The following PCED1B variants were observed in gnomAD, a reference collection of about 807,000 sequenced individuals.
The protein encoded by PCED1B is PC-esterase domain containing 1B.
For missense variants in PCED1B, 573 were observed against 573.9 expected (o/e 1.00, Z 0.02); for synonymous variants, 251 against 246.1 (o/e 1.02, Z -0.19).
At chr12:47,093,229 A>C (rs1938340027) in intron 1 of PCED1B, among the ~76,000 whole-genome samples, 1 of 151,884 alleles carries the variant, frequency 6.6e-6, no homozygotes, top group African/African-American at 2.4e-5. Context: ...ATTTTCAAAG[A>C]GTTTGTTTAT....
chr12:47,183,844 G>A (rs957760031), intron 2 of PCED1B, among the ~76,000 whole-genome samples: 8 of 152,132 alleles, frequency 5.3e-5, no homozygotes, highest in African/African-American at 1.7e-4. Context: ...TCAGTGTTCT[G>A]ATAACTACAG....
rs754473510 is a variant in PCED1B, at chr12:47,235,677, G to A, written c.614G>A (p.Arg205His). 16 of 1,613,094 alleles carry A rather than the reference G, an allele frequency of 9.9e-6. No homozygotes were observed. The Admixed American group carries it at 2.7e-4, about 27-fold the overall frequency. ...KANFHSATEA[R>H]KHNFDVLDLH... is the part of the protein sequence containing the mutation. The stretch of plus-strand genomic sequence containing the variant: ...AACTTCCACAGCGCCACCGAGGCAC[G>A]TAAACATAACTTCGATGTACTGGAC... The change falls in exon 4 of 4, where the codon CGT (arginine) becomes CAT (histidine). Residue 205 changes from arginine (R) to histidine (H), a missense_variant. Transcript: ENST00000546455.
intron 2 of PCED1B, among the ~76,000 whole-genome samples, chr12:47,150,959 C>A (rs765744341): frequency 6.6e-6 from 1 of 152,050 alleles, no homozygotes; most frequent in Non-Finnish European, 1.5e-5. Flanking sequence ...TAAATGGTAA[C>A]AAGCGAACAA....
intron 2 of PCED1B, among the ~76,000 whole-genome samples, chr12:47,195,483 T>A (rs1028699416): frequency 6.6e-6 from 1 of 152,136 alleles, no homozygotes; most frequent in Non-Finnish European, 1.5e-5. Flanking sequence ...ACAAATTTAT[T>A]CATTTTCCCT....
intron 2 of PCED1B, among the ~76,000 whole-genome samples, chr12:47,200,572 C>T (rs997426809): frequency 2.6e-5 from 4 of 152,164 alleles, no homozygotes; most frequent in African/African-American, 4.8e-5. Context: ...AACATAGAAT[C>T]CAGCAATCGT....
intron 3 of PCED1B, among the ~76,000 whole-genome samples, chr12:47,228,608 A>G (rs974196615): frequency 2.0e-5 from 3 of 152,134 alleles, no homozygotes; most frequent in African/African-American, 7.2e-5. Flanking sequence ...AGTGGCTCAC[A>G]CTTGTAATCC....
rs1941923201 is a variant in PCED1B at position 47,079,631 on chromosome 12, G to C, written c.-703G>C. ...GGCTCTCAACTTTGAGGAGTTTCAA[G>C]CAGCCGCGGCGGCAGCAGCAGCCCT... On this transcript the variant is annotated 5_prime_UTR_variant, in exon 1 of 4. Transcript: ENST00000546455. 1.3e-5 allele frequency: 2 copies of C among 153,030 alleles called. No individual in the cohort carries two copies. The highest frequency in any genetic ancestry group is 2.9e-5 in the Non-Finnish European group (2 of 68,870). The allele number at this position is 153,030 out of a possible 1,614,324, so 9.5% of individuals were successfully genotyped here.
At chr12:47,134,736 C>T (rs572117554) in intron 2 of PCED1B, among the ~76,000 whole-genome samples, 18 of 152,160 alleles carry the variant, frequency 1.2e-4, no homozygotes, top group African/African-American at 2.4e-4. Flanking sequence ...GGCGTGGTGG[C>T]GGGCGCCTGT....
intron 2 of PCED1B, among the ~76,000 whole-genome samples, chr12:47,213,453 C>T (rs552601480): frequency 2.0e-5 from 3 of 152,204 alleles, no homozygotes; most frequent in African/African-American, 7.2e-5. Flanking sequence ...CACACACGAG[C>T]CAGCTGAAAT....
chr12:47,204,186 T>C (rs1032263345), intron 2 of PCED1B, among the ~76,000 whole-genome samples: 1 of 152,150 alleles, frequency 6.6e-6, no homozygotes, highest in Non-Finnish European at 1.5e-5. Context: ...TGATCTTAAA[T>C]GATCTGCCCG....
chr12:47,152,519 GA>G (rs1941032434), intron 2 of PCED1B, among the ~76,000 whole-genome samples: 14 of 152,228 alleles, frequency 9.2e-5, no homozygotes, highest in Admixed American at 2.6e-4. Context: ...TAGGAGACAT[GA>G]AAATTACACA....
chr12:47,134,973 C>A (rs1242280848), intron 2 of PCED1B, among the ~76,000 whole-genome samples: 1 of 152,240 alleles, frequency 6.6e-6, no homozygotes. Context: ...CCCCTTCACT[C>A]ATTTTTTAAC....
chr12:47,235,963 C>A lies in PCED1B; in HGVS notation c.900C>A (p.Arg300=). Residue 300 remains arginine, a synonymous_variant, in exon 4 of 4, where the codon CGC becomes CGA. Transcript: ENST00000546455. ...LSPPLPSPTY[R]PLLGFPPQRL... Reference sequence around the variant, plus strand: ...CACCCTTACCTTCCCCCACATACCGCCCCCTGCTTGGGTTCCCACCCCAGC... The same window carrying A: ...CACCCTTACCTTCCCCCACATACCGACCCCTGCTTGGGTTCCCACCCCAGC... The A allele has an allele frequency of 6.2e-7, 1 of 1,612,282 alleles. No individual in the cohort carries two copies. The highest frequency in any genetic ancestry group is 1.1e-5 in the South Asian group (1 of 90,900).
chr12:47,196,373 A>G (rs1276818505), intron 2 of PCED1B, among the ~76,000 whole-genome samples: 1 of 152,250 alleles, frequency 6.6e-6, no homozygotes, highest in African/African-American at 2.4e-5. Flanking sequence ...AAATGGAGAT[A>G]ATAGTACCTA....
At chr12:47,206,827 G>T (rs758545935) in intron 2 of PCED1B, among the ~76,000 whole-genome samples, 2 of 151,998 alleles carry the variant, frequency 1.3e-5, no homozygotes, top group Non-Finnish European at 2.9e-5. Flanking sequence ...TAGATCTGAC[G>T]GTAGTTACAG....
At chr12:47,092,788 C>T (rs562958960) in intron 1 of PCED1B, among the ~76,000 whole-genome samples, 1 of 151,982 alleles carries the variant, frequency 6.6e-6, no homozygotes, top group South Asian at 2.1e-4. Context: ...ACTCCTTTTT[C>T]TGTTAATGTG....
chr12:47,107,620 A>C (rs1254638118), intron 2 of PCED1B, among the ~76,000 whole-genome samples: 1 of 152,196 alleles, frequency 6.6e-6, no homozygotes, highest in Non-Finnish European at 1.5e-5. Context: ...GTGGCAGTGG[A>C]GGTGGCACAG....
chr12:47,217,517 AAGAAAG>A (rs1175572116), intron 3 of PCED1B, among the ~76,000 whole-genome samples: 1 of 65,426 alleles, frequency 1.5e-5, no homozygotes, highest in Non-Finnish European at 2.6e-5. Flanking sequence ...AGAAAGAAAG[AAGAAAG>A]AGAAAGAGAG....
chr12:47,142,729 T>C (rs1335460022), intron 2 of PCED1B, among the ~76,000 whole-genome samples: 1 of 150,722 alleles, frequency 6.6e-6, no homozygotes, highest in Non-Finnish European at 1.5e-5. Context: ...AAGAAAAAAA[T>C]CAGCAAATCA....
Sources: gnomAD v4.1 joint callset for allele counts (sites outside exome capture counted in the v4.1 genomes callset) on GRCh38, gnomAD v4.1.1 for gene constraint, MANE v1.5 for transcripts, NCBI Gene and HGNC (gene_info 2026-07-23, HGNC 2026-07-21) for gene names.